RALYL: variants seen among roughly 807,000 people sequenced by gnomAD.
RALYL encodes the protein RNA-binding Raly-like protein.
In RALYL, 29 loss-of-function variants were observed where a neutral mutation model predicts 35.1. The ratio of observed to expected loss-of-function variants is 0.83; its 90% CI spans 0.61 to 1.13. RALYL has a LOEUF of 1.13. Among genes scored for constraint, RALYL ranks in the 50% most tolerant of loss-of-function variants. The pLI, the probability that RALYL is intolerant of heterozygous loss-of-function variation, is 0.00. For synonymous variants in RALYL, 120 were observed against 127.6 expected, an observed-to-expected ratio of 0.94 and a Z score of 0.40; for missense variants, 359 against 360.4, an observed-to-expected ratio of 1.00 and a Z score of 0.03.
chr8:84,422,825 G>C (rs1407836810), intron 1 of RALYL, among the ~76,000 whole-genome samples: 1 of 147,986 alleles, frequency 6.8e-6, no homozygotes, highest in Non-Finnish European at 1.5e-5. Context: ...TCATTCAGGA[G>C]CAGGTTGTTC....
intron 1 of RALYL, among the ~76,000 whole-genome samples, chr8:84,418,692 C>T (rs1693191930): frequency 6.6e-6 from 1 of 152,126 alleles, no homozygotes; most frequent in Non-Finnish European, 1.5e-5. Flanking sequence ...AGATTATAAA[C>T]TCCAAACTCT....
chr8:84,671,672 T>A (rs1386996694), intron 2 of RALYL, among the ~76,000 whole-genome samples: 1 of 152,178 alleles, frequency 6.6e-6, no homozygotes, highest in Admixed American at 6.5e-5. Flanking sequence ...TGGCACAGTT[T>A]AGTCAAGGCT....
intron 1 of RALYL, among the ~76,000 whole-genome samples, chr8:84,444,982 T>G (rs1409913414): frequency 2.0e-5 from 3 of 152,050 alleles, no homozygotes; most frequent in Non-Finnish European, 4.4e-5. Context: ...AGGAAAGGGT[T>G]TATTTTTACA....
chr8:84,343,817 A>G (rs1055072507), intron 1 of RALYL, among the ~76,000 whole-genome samples: 10 of 151,644 alleles, frequency 6.6e-5, no homozygotes, highest in African/African-American at 2.4e-4. Flanking sequence ...TTTTGTAAAG[A>G]TGAGGTTTAA....
intron 2 of RALYL, among the ~76,000 whole-genome samples, chr8:84,533,082 T>A (rs1023510634): frequency 5.9e-5 from 9 of 152,154 alleles, no homozygotes; most frequent in Non-Finnish European, 1.3e-4. Context: ...AGAATTTTTT[T>A]AAATCACAAT....
intron 1 of RALYL, among the ~76,000 whole-genome samples, chr8:84,294,679 G>A (rs750187864): frequency 6.6e-6 from 1 of 152,002 alleles, no homozygotes; most frequent in South Asian, 2.1e-4. Context: ...TATAACAAAG[G>A]TCACCGACCT....
At chr8:84,854,583 A>T (rs1836587796) in intron 5 of RALYL, among the ~76,000 whole-genome samples, 1 of 152,204 alleles carries the variant, frequency 6.6e-6, no homozygotes, top group African/African-American at 2.4e-5. Flanking sequence ...GAGAGCGCTC[A>T]GCTGTTTCTG....
At chr8:84,830,117 A>T (rs1197817656) in intron 4 of RALYL, among the ~76,000 whole-genome samples, 1 of 151,896 alleles carries the variant, frequency 6.6e-6, no homozygotes, top group Non-Finnish European at 1.5e-5. Context: ...GCTTATTTGC[A>T]GTATGAACTG....
chr8:84,643,302 C>T (rs1168986810), intron 2 of RALYL, among the ~76,000 whole-genome samples: 1 of 151,946 alleles, frequency 6.6e-6, no homozygotes, highest in East Asian at 1.9e-4. Context: ...GCAGCCGAGT[C>T]TAAATAGAGA....
intron 4 of RALYL, among the ~76,000 whole-genome samples, chr8:84,827,617 G>A (rs989671175): frequency 2.0e-5 from 3 of 151,986 alleles, no homozygotes; most frequent in African/African-American, 7.2e-5. Context: ...GAATAACAGT[G>A]CCATTATAAC....
rs542199562 is a variant in RALYL at position 84,794,048 on chromosome 8, T to C, written c.333-10722T>C. On this transcript the variant is annotated intron_variant, in intron 3 of 8. Transcript: ENST00000521268. ...TGGTGAGGTTGAAGCTGGGACCTGA[T>C]GGGTATGAGACTGTGGGGCACAGGT... Among the ~76,000 whole-genome samples, 9 of 152,176 alleles carry C rather than the reference T, an allele frequency of 5.9e-5. No homozygotes were observed. In the East Asian group the frequency reaches 9.7e-4, roughly 16 times the overall value.
chr8:84,275,381 AC>A (rs779155094), intron 1 of RALYL, among the ~76,000 whole-genome samples: 18 of 152,104 alleles, frequency 1.2e-4, no homozygotes, highest in Non-Finnish European at 2.4e-4. Context: ...ATTACAAGCA[AC>A]TTACATTTGT....
At chr8:84,896,384 G>T (rs557362072) in intron 8 of RALYL, among the ~76,000 whole-genome samples, 1 of 152,126 alleles carries the variant, frequency 6.6e-6, no homozygotes, top group Non-Finnish European at 1.5e-5. Flanking sequence ...TGAATATTTT[G>T]CAATAACTCC....
At chr8:84,579,906 T>G (rs1810434421) in intron 2 of RALYL, among the ~76,000 whole-genome samples, 1 of 152,212 alleles carries the variant, frequency 6.6e-6, no homozygotes, top group Non-Finnish European at 1.5e-5. Context: ...GAACCAAAAT[T>G]AATAAAAATT....
At chr8:84,776,598 G>A (rs550530807) in intron 3 of RALYL, among the ~76,000 whole-genome samples, 1 of 152,170 alleles carries the variant, frequency 6.6e-6, no homozygotes, top group Non-Finnish European at 1.5e-5. Flanking sequence ...TAGAGCTGCA[G>A]CTAATGCAGA....
intron 1 of RALYL, among the ~76,000 whole-genome samples, chr8:84,261,913 AT>A (rs1832381157): frequency 6.6e-6 from 1 of 152,212 alleles, no homozygotes. Flanking sequence ...ATTTAAAAAA[AT>A]AAAATTCACT....
chr8:84,668,266 A>C (rs1832469628), intron 2 of RALYL, among the ~76,000 whole-genome samples: 1 of 152,172 alleles, frequency 6.6e-6, no homozygotes, highest in South Asian at 2.1e-4. Flanking sequence ...ATTTCAATAG[A>C]GTGATGAATG....
chr8:84,524,014 T>C (rs993026533), intron 1 of RALYL, among the ~76,000 whole-genome samples: 6 of 152,140 alleles, frequency 3.9e-5, no homozygotes, highest in Admixed American at 1.3e-4. Context: ...GATTTATAGT[T>C]CTTTGGGTAT....
At chr8:84,503,068 G>A (rs973796358) in intron 1 of RALYL, among the ~76,000 whole-genome samples, 2 of 152,042 alleles carry the variant, frequency 1.3e-5, no homozygotes, top group African/African-American at 4.8e-5. Context: ...AAAATATACT[G>A]ATAAGTATTA....
Sources: allele counts gnomAD v4.1 joint callset (sites outside exome capture counted in the v4.1 genomes callset), GRCh38; gene constraint gnomAD v4.1.1; transcripts MANE v1.5; gene names NCBI Gene and HGNC (gene_info 2026-07-23, HGNC 2026-07-21).